CDK17: variants seen among roughly 807,000 people sequenced by gnomAD.
CDK17 encodes the protein cyclin dependent kinase 17, also known as cyclin-dependent kinase 17.
A neutral mutation model predicts 77.6 loss-of-function variants in CDK17; 24 were observed. The ratio of observed to expected loss-of-function variants is 0.31; its 90% CI spans 0.22 to 0.44. The LOEUF (loss-of-function observed/expected upper bound fraction) is 0.44, where lower values mean the gene tolerates loss of function less well. Ranked by LOEUF, CDK17 falls within the 20% of genes least tolerant of loss-of-function variation. The pLI, the probability that CDK17 is intolerant of heterozygous loss-of-function variation, is 1.00. For synonymous variants in CDK17, 203 were observed against 210.4 expected (o/e 0.96, Z 0.30); for missense variants, 429 against 622.5 (o/e 0.69, Z 3.31).
intron 10 of CDK17, among the ~76,000 whole-genome samples, chr12:96,289,625 A>C (rs891856380): frequency 6.6e-6 from 1 of 152,222 alleles, no homozygotes; most frequent in Non-Finnish European, 1.5e-5. Context: ...AGCTGCAATT[A>C]AATTAATCCA....
chr12:96,285,080 T>C (rs896819797), intron 13 of CDK17, among the ~76,000 whole-genome samples: 9 of 152,162 alleles, frequency 5.9e-5, no homozygotes, highest in African/African-American at 2.2e-4. Context: ...CACTAAGTCA[T>C]GGAGACTCTG....
rs568217494 is a variant in CDK17, at chr12:96,280,526, C to T, written c.1535-247G>A. 261 of 1,414,576 alleles carry T rather than the reference C, an allele frequency of 1.8e-4. 3 individuals are homozygous for T. In the South Asian group the frequency reaches 3.9e-3, roughly 21 times the overall value. The allele number at this position is 1,414,576 out of a possible 1,614,324, so 87.6% of individuals were successfully genotyped here. ...CTTCTGCCTCAGGTACCAGGGATGG[C>T]GTGTGCAGTGATCAAGCCAGGTCAC... On this transcript the variant is annotated intron_variant, in intron 16 of 16. Coordinates refer to ENST00000261211, the MANE Select transcript of CDK17 (RefSeq NM_002595.5).
intron 12 of CDK17, 27 bp downstream of exon 12, chr12:96,286,637 T>C: frequency 1.4e-5 from 21 of 1,549,250 alleles, no homozygotes; most frequent in Non-Finnish European, 1.9e-5. Flanking sequence ...GGGTGCAAAA[T>C]CACTGGGAAA....
At position 96,278,491 on chromosome 12, in the gene CDK17, A is replaced by C. The variant is rs1952133850; in HGVS notation, c.*1751T>G. On this transcript the variant is annotated 3_prime_UTR_variant, in exon 17 of 17. Transcript: ENST00000261211. ...TATCTTAAGAACGACCCATAAAAGA[A>C]AAGGACCCCACTCGGCACAGCCTTC... The C allele has an allele frequency of 6.6e-6, 1 of 152,516 alleles. No homozygotes were observed. Among genetic ancestry groups the C allele is most frequent in the Admixed American group, 6.5e-5 (1 of 15,274 alleles). The allele number at this position is 152,516 out of a possible 1,614,324, so 9.4% of individuals were successfully genotyped here.
At chr12:96,298,814 AAT>A (rs1952452777) in intron 7 of CDK17, 53 bp downstream of exon 7, 1 of 929,840 alleles carries the variant, frequency 1.1e-6, no homozygotes, top group Non-Finnish European at 1.6e-6. Flanking sequence ...ACTTATAAAA[AAT>A]AGACACTTAT....
intron 1 of CDK17, among the ~76,000 whole-genome samples, chr12:96,398,909 A>G (rs1954213868): frequency 6.6e-6 from 1 of 152,228 alleles, no homozygotes; most frequent in African/African-American, 2.4e-5. Context: ...GATTTCAGCT[A>G]AACGCTTTTT....
chr12:96,314,792 C>T (rs747553284), intron 3 of CDK17, among the ~76,000 whole-genome samples: 1 of 152,224 alleles, frequency 6.6e-6, no homozygotes, highest in Non-Finnish European at 1.5e-5. Flanking sequence ...TGCTTTAACA[C>T]ACTTTTTTTC....
At chr12:96,360,490 T>C (rs188632441) in intron 1 of CDK17, among the ~76,000 whole-genome samples, 11 of 152,278 alleles carry the variant, frequency 7.2e-5, no homozygotes, top group Non-Finnish European at 1.6e-4. Context: ...AGGTTAAGAT[T>C]TGGTTTAAAC....
intron 1 of CDK17, among the ~76,000 whole-genome samples, chr12:96,380,961 C>T (rs1953869184): frequency 6.6e-6 from 1 of 150,960 alleles, no homozygotes; most frequent in Non-Finnish European, 1.5e-5. Context: ...CTTCTCTCAT[C>T]TCTCTATTTG....
At chr12:96,285,442 T>TG (rs1449902695) in intron 13 of CDK17, among the ~76,000 whole-genome samples, 5 of 151,660 alleles carry the variant, frequency 3.3e-5, no homozygotes, top group African/African-American at 7.3e-5. Context: ...TTTCAAAATT[T>TG]GGGGGGGTTG....
chr12:96,382,249 GAAGAA>G (rs1434006756), intron 1 of CDK17, among the ~76,000 whole-genome samples: 1 of 150,556 alleles, frequency 6.6e-6, no homozygotes, highest in African/African-American at 2.4e-5. Flanking sequence ...AGAAAATCTA[GAAGAA>G]AAGGATAAAT....
At chr12:96,351,486 T>C (rs1412320974) in intron 1 of CDK17, among the ~76,000 whole-genome samples, 1 of 152,134 alleles carries the variant, frequency 6.6e-6, no homozygotes, top group Non-Finnish European at 1.5e-5. Context: ...TTCTGACATA[T>C]GCTACAACAC....
intron 1 of CDK17, among the ~76,000 whole-genome samples, chr12:96,366,359 T>C (rs908288136): frequency 6.6e-6 from 1 of 152,162 alleles, no homozygotes; most frequent in Non-Finnish European, 1.5e-5. Context: ...TATGACCCAG[T>C]CCCTCATATA....
At position 96,396,829 on chromosome 12, in the gene CDK17, A is replaced by AG. The variant is rs1447792194; in HGVS notation, c.-30+3156dup. Among the ~76,000 whole-genome samples, 5 of 152,252 alleles carry AG rather than the reference A, an allele frequency of 3.3e-5. 1 individual carries two copies. The highest frequency in any genetic ancestry group is 1.2e-4 in the African/African-American group (5 of 41,468). The stretch of plus-strand genomic sequence containing the variant: ...CCTGGAAATCTAAATGCCATGTAAA[A>AG]GAATGCTAGCCCATGACGGTAAAAT... On this transcript the variant is annotated intron_variant, in intron 1 of 16. Transcript: ENST00000261211.
At position 96,282,604 on chromosome 12, in the gene CDK17, G is replaced by A; in HGVS notation, c.1366-5C>T. The A allele has an allele frequency of 6.3e-7, 1 of 1,593,516 alleles. No individual in the cohort carries two copies. Among genetic ancestry groups the A allele is most frequent in the South Asian group, 1.1e-5 (1 of 89,930 alleles). Reference sequence around the variant, plus strand: ...AACCCTTTTCTTAGATTCATACTGTGAAAAAGCAAAGAACTGCTTCATTAG... The same window carrying A: ...AACCCTTTTCTTAGATTCATACTGTAAAAAAGCAAAGAACTGCTTCATTAG... On this transcript the variant is annotated splice_region_variant and splice_polypyrimidine_tract_variant and intron_variant, in intron 14 of 16. Coordinates refer to ENST00000261211, the MANE Select transcript of CDK17 (RefSeq NM_002595.5).
chr12:96,340,154 A>G (rs1592738927), intron 1 of CDK17, among the ~76,000 whole-genome samples: 2 of 152,036 alleles, frequency 1.3e-5, no homozygotes, highest in Middle Eastern at 6.8e-3. Context: ...TAAGAGAAAA[A>G]AATAGAATCA....
intron 1 of CDK17, among the ~76,000 whole-genome samples, chr12:96,360,114 G>C (rs1481804982): frequency 6.6e-6 from 1 of 152,164 alleles, no homozygotes; most frequent in East Asian, 1.9e-4. Context: ...TACAGGCCAA[G>C]GTGACCCCAC....
At chr12:96,308,119 T>C (rs747224669) in intron 5 of CDK17, among the ~76,000 whole-genome samples, 5 of 150,666 alleles carry the variant, frequency 3.3e-5, no homozygotes, top group Non-Finnish European at 7.4e-5. Flanking sequence ...GGCCAGATGC[T>C]ATGGGCGGCT....
At position 96,289,250 on chromosome 12, in the gene CDK17, G is replaced by A. The variant is rs1317285922; in HGVS notation, c.1035C>T (p.Tyr345=). ...ARAKSVPTKT[Y]SNEVVTLWYR... is the part of the protein sequence containing the mutation. ...ACCATAGTGTGACAACTTCATTTGA[G>A]TAGGTCTTTGTGGGAACTGACTTGG... Residue 345 remains tyrosine, a synonymous_variant, in exon 11 of 17, where the codon TAC becomes TAT. Transcript: ENST00000261211. 5.0e-6 allele frequency: 8 copies of A among 1,613,800 alleles called. No homozygotes were observed. In the East Asian group the frequency reaches 1.6e-4, roughly 31 times the overall value.
Sources: allele counts gnomAD v4.1 joint callset (sites outside exome capture counted in the v4.1 genomes callset), GRCh38; gene constraint gnomAD v4.1.1; transcripts MANE v1.5; gene names NCBI Gene and HGNC (gene_info 2026-07-23, HGNC 2026-07-21).